CORO2A: variants seen among roughly 807,000 people sequenced by gnomAD.
The protein encoded by CORO2A is coronin-2A.
Under a neutral mutation model 62.4 loss-of-function variants are expected in CORO2A, and 47 were observed. That is an observed-to-expected ratio of 0.75 (90% CI 0.60 to 0.96). The LOEUF (loss-of-function observed/expected upper bound fraction) is 0.96. Ranked by LOEUF, CORO2A falls within the 40% of genes least tolerant of loss-of-function variation. The pLI is 0.00. For missense variants in CORO2A, 610 were observed against 684.1 expected (o/e 0.89, Z 1.21); for synonymous variants, 273 against 268.9 (o/e 1.02, Z -0.15).
chr9:98,181,911 GA>G lies in CORO2A; in HGVS notation c.-1+10647del, dbSNP rs1828182416. On this transcript the variant is annotated intron_variant, in intron 1 of 11. Coordinates refer to ENST00000375077, the MANE Select transcript of CORO2A (RefSeq NM_052820.4). ...GTCACTTCCAAGCTGTGTGACCTCA[GA>G]CAAGTCCTATGGCCTCTCTGAGACT... Among the ~76,000 whole-genome samples, 3 of 152,254 alleles carry G rather than the reference GA, an allele frequency of 2.0e-5. No individual in the cohort carries two copies. The South Asian group carries it at 6.2e-4, about 32-fold the overall frequency.
Position 98,121,084 on chromosome 9 carries a change from C to CA in CORO2A, c.*3689dup, listed in dbSNP as rs1472726176. The CA allele has an allele frequency of 6.6e-6, 1 of 152,154 alleles. No homozygotes were observed. Among genetic ancestry groups the CA allele is most frequent in the Non-Finnish European group, 1.5e-5 (1 of 68,038 alleles). The allele number at this position is 152,154 out of a possible 1,614,324, so 9.4% of individuals were successfully genotyped here. A position where few individuals can be genotyped will look rare whatever the true frequency, so the allele number is the denominator to read the frequency against. On this transcript the variant is annotated 3_prime_UTR_variant, in exon 12 of 12. Coordinates refer to ENST00000375077, the MANE Select transcript of CORO2A (RefSeq NM_052820.4). ...ATTATCATTATTTTTCACAAAGGTA[C>CA]AAGGAATTTCAGAAACAACATTAAA...
intron 2 of CORO2A, among the ~76,000 whole-genome samples, chr9:98,143,629 C>T (rs138373867): frequency 3.9e-5 from 6 of 152,300 alleles, no homozygotes; most frequent in South Asian, 2.1e-4. Flanking sequence ...GCACTGAAGA[C>T]GGTGCCCAGT....
rs368531711 is a variant in CORO2A, at chr9:98,128,662, T to C, written c.1025A>G (p.Lys342Arg). 8.1e-6 allele frequency: 13 copies of C among 1,614,066 alleles called. No homozygotes were observed. The highest frequency in any genetic ancestry group is 1.3e-5 in the African/African-American group (1 of 74,930). The change falls in exon 9 of 12, where the codon AAG (lysine) becomes AGG (arginine). Residue 342 changes from lysine (K) to arginine (R), a missense_variant. By Grantham distance (26) the Lys-to-Arg change is conservative. Transcript: ENST00000375077. ...VSSCEIFRFY[K>R]LITTKSLIEP... ...GATGAGGCTTTTGGTTGTGATCAGC[T>C]TGTAGAAGCGGAAGATCTCGCAGGA...
intron 1 of CORO2A, among the ~76,000 whole-genome samples, chr9:98,180,247 G>A (rs1364751504): frequency 6.6e-6 from 1 of 152,098 alleles, no homozygotes; most frequent in Non-Finnish European, 1.5e-5. Flanking sequence ...GGCCTAGTAA[G>A]TTTTCTCCTC....
At chr9:98,131,100 TG>T in intron 6 of CORO2A, 41 bp from the exon 7 acceptor site, 1 of 1,424,882 alleles carries the variant, frequency 7.0e-7, no homozygotes, top group Non-Finnish European at 9.8e-7. Flanking sequence ...GGGTCACTCC[TG>T]GGGGCCCTCA....
At chr9:98,168,944 C>A (rs1827996723) in intron 1 of CORO2A, among the ~76,000 whole-genome samples, 14 of 152,202 alleles carry the variant, frequency 9.2e-5, no homozygotes, top group Admixed American at 9.2e-4. Context: ...GTGCATCTCT[C>A]CGGGCTGGGT....
At position 98,132,947 on chromosome 9, in the gene CORO2A, G is replaced by A. The variant is rs1008164757; in HGVS notation, c.648+91C>T. 10 of 1,427,276 alleles carry A rather than the reference G, an allele frequency of 7.0e-6. No individual in the cohort carries two copies. The Admixed American group carries it at 1.7e-4, about 25-fold the overall frequency. The allele number at this position is 1,427,276 out of a possible 1,614,324, so 88.4% of individuals were successfully genotyped here. A position where few individuals can be genotyped will look rare whatever the true frequency, so the allele number is the denominator to read the frequency against. On this transcript the variant is annotated intron_variant, in intron 5 of 11. Transcript: ENST00000375077. ...TGAAGGCGCAGCCCAGACGCTGACA[G>A]CATCACTGTCCTGTTCTCTGAAGCC...
At chr9:98,169,210 G>A (rs1255743341) in intron 1 of CORO2A, among the ~76,000 whole-genome samples, 5 of 151,758 alleles carry the variant, frequency 3.3e-5, no homozygotes, top group East Asian at 2.0e-4. Flanking sequence ...CCCCGCCCCC[G>A]CGCCGCCCAT....
rs1827963200 is a variant in CORO2A at position 98,166,531 on chromosome 9, T to C, written c.1-8871A>G. ...ACTCAACAACAAGCAAGCAAACAAT[T>C]TGATTTGAAACAATCTGATTTAGTG... On this transcript the variant is annotated intron_variant, in intron 1 of 11. Coordinates refer to ENST00000375077, the MANE Select transcript of CORO2A (RefSeq NM_052820.4). 4.6e-5 allele frequency among the ~76,000 whole-genome samples: 7 copies of C among 152,196 alleles called. No homozygotes were observed. In the South Asian group the frequency reaches 1.0e-3, roughly 22 times the overall value.
At chr9:98,176,599 G>T (rs187730449) in intron 1 of CORO2A, among the ~76,000 whole-genome samples, 2 of 152,236 alleles carry the variant, frequency 1.3e-5, no homozygotes, top group South Asian at 2.1e-4. Context: ...TGGCTCCACT[G>T]GGGGGTGGGG....
At chr9:98,127,122 A>G (rs79565693) in intron 10 of CORO2A, among the ~76,000 whole-genome samples, 2 of 152,324 alleles carry the variant, frequency 1.3e-5, no homozygotes, top group East Asian at 3.9e-4. Context: ...TTGCTTTGTA[A>G]GGACAGTCCC....
intron 4 of CORO2A, among the ~76,000 whole-genome samples, chr9:98,133,469 T>C (rs1211895370): frequency 6.6e-6 from 1 of 152,140 alleles, no homozygotes; most frequent in African/African-American, 2.4e-5. Context: ...AAAACATCCA[T>C]GCTGGGAGGA....
intron 3 of CORO2A, among the ~76,000 whole-genome samples, chr9:98,136,361 C>A (rs913787211): frequency 6.6e-6 from 1 of 152,244 alleles, no homozygotes; most frequent in Non-Finnish European, 1.5e-5. Context: ...TATATGGAAA[C>A]CGACACAAAT....
At chr9:98,184,243 T>A (rs911346791) in intron 1 of CORO2A, among the ~76,000 whole-genome samples, 1 of 147,712 alleles carries the variant, frequency 6.8e-6, no homozygotes, top group African/African-American at 2.6e-5. Flanking sequence ...TTTTTTTTTT[T>A]AATAGAGGCA....
intron 1 of CORO2A, among the ~76,000 whole-genome samples, chr9:98,184,272 C>T (rs528298590): frequency 6.6e-6 from 1 of 151,736 alleles, no homozygotes; most frequent in East Asian, 1.9e-4. Flanking sequence ...CTTTGTTGCC[C>T]AGGCTGGTCT....
In CORO2A at chr9:98,157,725, T is replaced by A; in HGVS notation, c.1-65A>T. On this transcript the variant is annotated intron_variant, in intron 1 of 11. Coordinates refer to ENST00000375077, the MANE Select transcript of CORO2A (RefSeq NM_052820.4). The stretch of plus-strand genomic sequence containing the variant: ...GCCCTGATCATGGGACACACAGAGC[T>A]CTCATCTTAAGAGTACATAAGAGGG... 2.0e-6 allele frequency: 3 copies of A among 1,466,986 alleles called. No individual in the cohort carries two copies. In the South Asian group the frequency reaches 3.7e-5, roughly 18 times the overall value. The allele number at this position is 1,466,986 out of a possible 1,614,324, so 90.9% of individuals were successfully genotyped here.
At chr9:98,128,091 C>A (rs1827352515) in intron 10 of CORO2A, 79 bp downstream of exon 10, 3 of 1,169,136 alleles carry the variant, frequency 2.6e-6, no homozygotes, top group Non-Finnish European at 3.8e-6. Flanking sequence ...CCAGGCCCAA[C>A]CCCTCTCAAT....
chr9:98,145,223 T>C (rs1210377259), intron 2 of CORO2A, among the ~76,000 whole-genome samples: 1 of 152,156 alleles, frequency 6.6e-6, no homozygotes, highest in Admixed American at 6.5e-5. Flanking sequence ...CCTCCTGAGG[T>C]AATTCATCCT....
chr9:98,163,903 C>T (rs1193859740), intron 1 of CORO2A, among the ~76,000 whole-genome samples: 2 of 152,124 alleles, frequency 1.3e-5, no homozygotes, highest in Non-Finnish European at 2.9e-5. Context: ...TGGTGCAAAC[C>T]ATTATAATAG....
Sources: gnomAD v4.1 joint callset for allele counts (sites outside exome capture counted in the v4.1 genomes callset) on GRCh38, gnomAD v4.1.1 for gene constraint, MANE v1.5 for transcripts, NCBI Gene and HGNC (gene_info 2026-07-23, HGNC 2026-07-21) for gene names.